DOCK4: variants seen among roughly 807,000 people sequenced by gnomAD.
DOCK4 encodes the protein dedicator of cytokinesis protein 4.
In DOCK4, 97 loss-of-function variants were observed where a neutral mutation model predicts 268.1. That is an observed-to-expected ratio of 0.36 (90% confidence interval 0.31 to 0.43). DOCK4 has a LOEUF of 0.43. Among genes scored for constraint, DOCK4 ranks in the 20% least tolerant of loss-of-function variants. The pLI is 1.00. For missense variants in DOCK4, 2,145 were observed against 2,455.7 expected, an observed-to-expected ratio of 0.87 and a Z score of 2.67; for synonymous variants, 954 against 887.2, an observed-to-expected ratio of 1.08 and a Z score of -1.34.
chr7:111,916,026 G>A (rs1032886403), intron 12 of DOCK4, 122 bp from the exon 13 acceptor site: 26 of 1,003,902 alleles, frequency 2.6e-5, no homozygotes, highest in Non-Finnish European at 3.2e-5. Flanking sequence ...TTAATATTCC[G>A]ACGAAATCGA....
chr7:111,789,785 T>C (rs1461868671), intron 31 of DOCK4, among the ~76,000 whole-genome samples: 1 of 152,178 alleles, frequency 6.6e-6, no homozygotes, highest in Non-Finnish European at 1.5e-5. Context: ...GGTCAAACCC[T>C]GTGGGCACAC....
At chr7:112,136,578 G>A (rs868842992) in intron 1 of DOCK4, among the ~76,000 whole-genome samples, 2 of 152,230 alleles carry the variant, frequency 1.3e-5, no homozygotes, top group Non-Finnish European at 2.9e-5. Context: ...ATACTTAGGC[G>A]GAAGACAAAA....
rs746788301 is a variant in DOCK4 at position 111,811,908 on chromosome 7, C to T, written c.2972G>A (p.Arg991His). The change falls in exon 28 of 53, where the codon CGT becomes CAT. Residue 991 changes from arginine to histidine, a missense_variant. Physicochemically the swap from Arg to His is conservative, Grantham distance 29 (BLOSUM62 0). Transcript: ENST00000428084. Reference protein sequence around the residue: ...TTVLYLSDALRKNFLNENFDY... With the variant: ...TTVLYLSDALHKNFLNENFDY... The stretch of plus-strand genomic sequence containing the variant: ...AAAGTTTTCATTTAAGAAGTTCTTA[C>T]GAAGTGCATCTGAGAGGTATAGAAC... 8 of 1,527,782 alleles carry T rather than the reference C, an allele frequency of 5.2e-6. No individual in the cohort carries two copies. The Admixed American group carries it at 6.0e-5, about 11-fold the overall frequency. The allele number at this position is 1,527,782 out of a possible 1,614,324, so 94.6% of individuals were successfully genotyped here. A position where few individuals can be genotyped will look rare whatever the true frequency, so the allele number is the denominator to read the frequency against.
At chr7:111,760,738 T>TTGTGTG (rs3997406) in intron 39 of DOCK4, among the ~76,000 whole-genome samples, 156 of 136,980 alleles carry the variant, frequency 1.1e-3, no homozygotes, top group African/African-American at 4.1e-3. Flanking sequence ...TGTCTGCTTT[T>TTGTGTG]TGTGTGTGTG....
intron 13 of DOCK4, among the ~76,000 whole-genome samples, chr7:111,911,501 C>A (rs898083409): frequency 2.6e-5 from 4 of 152,112 alleles, no homozygotes; most frequent in African/African-American, 9.7e-5. Context: ...GAAGGAAGTG[C>A]TTTTAAAAAA....
intron 16 of DOCK4, among the ~76,000 whole-genome samples, chr7:111,887,830 G>A (rs1349438005): frequency 6.6e-6 from 1 of 152,030 alleles, no homozygotes; most frequent in Non-Finnish European, 1.5e-5. Flanking sequence ...GATGCAGGAG[G>A]AAGAGAGAGG....
intron 36 of DOCK4, among the ~76,000 whole-genome samples, chr7:111,770,237 A>AG (rs1189534529): frequency 4.0e-5 from 6 of 149,404 alleles, no homozygotes; most frequent in African/African-American, 1.5e-4. Context: ...AAAAAAAAAA[A>AG]AAAGAAAAAG....
chr7:112,106,046 A>G (rs550300010), intron 1 of DOCK4, among the ~76,000 whole-genome samples: 2 of 152,304 alleles, frequency 1.3e-5, no homozygotes, highest in South Asian at 4.1e-4. Flanking sequence ...AACGGACCAC[A>G]ACAGATTCTG....
chr7:112,016,918 T>C (rs1355516484), intron 1 of DOCK4, among the ~76,000 whole-genome samples: 2 of 152,172 alleles, frequency 1.3e-5, no homozygotes, highest in African/African-American at 2.4e-5. Context: ...ATAATTTGTA[T>C]ATGGGTGTTT....
At chr7:111,860,142 A>G (rs1192000694) in intron 23 of DOCK4, among the ~76,000 whole-genome samples, 1 of 152,284 alleles carries the variant, frequency 6.6e-6, no homozygotes, top group East Asian at 1.9e-4. Context: ...TGCATTTCAC[A>G]TCTTCTTTTC....
At chr7:112,156,415 T>C (rs1488807567) in intron 1 of DOCK4, among the ~76,000 whole-genome samples, 1 of 152,220 alleles carries the variant, frequency 6.6e-6, no homozygotes, top group Non-Finnish European at 1.5e-5. Flanking sequence ...TATAATTTGG[T>C]AAAAACTGTA....
intron 1 of DOCK4, among the ~76,000 whole-genome samples, chr7:112,110,304 T>C (rs998947811): frequency 4.6e-5 from 7 of 152,232 alleles, no homozygotes; most frequent in African/African-American, 1.4e-4. Context: ...GAGTATTTCA[T>C]ATGGGTTTGT....
rs1465550070 is a variant in DOCK4, at chr7:112,066,706, TATA to T, written c.38-62578_38-62576del. Among the ~76,000 whole-genome samples, 4 of 58,840 alleles carry T rather than the reference TATA, an allele frequency of 6.8e-5. 1 individual carries two copies. Among genetic ancestry groups the T allele is most frequent in the African/African-American group, 1.2e-4 (2 of 17,334 alleles). 38.6% of individuals were successfully genotyped at this position (58,840 alleles called of 152,430 possible). A position where few individuals can be genotyped will look rare whatever the true frequency, so the allele number is the denominator to read the frequency against. On this transcript the variant is annotated intron_variant, in intron 1 of 52. Transcript: ENST00000428084. ...ATACATATACATATATATATATATA[TATA>T]TATATATATATATATATATATATAT...
Position 111,728,698 on chromosome 7 carries a change from G to A in DOCK4, c.5504C>T (p.Pro1835Leu), listed in dbSNP as rs776053096. 1.9e-6 allele frequency: 3 copies of A among 1,613,068 alleles called. No homozygotes were observed. The highest frequency in any genetic ancestry group is 2.7e-5 in the African/African-American group (2 of 75,046). Residue 1835 changes from proline to leucine, a missense_variant, in exon 53 of 53, where the codon CCC becomes CTC. Coordinates refer to ENST00000428084, the MANE Select transcript of DOCK4 (RefSeq NM_001363540.2). Reference protein sequence around the residue: ...PLKGSVQSFTPSPVEYHSPGL... With the variant: ...PLKGSVQSFTLSPVEYHSPGL... ...TGGCGAGTGGTACTCCACTGGAGAGGGGGTGAAAGACTGCACAGAGCCCTG... is the reference window on the plus strand; with the variant it reads ...TGGCGAGTGGTACTCCACTGGAGAGAGGGTGAAAGACTGCACAGAGCCCTG...
At chr7:112,162,969 G>C (rs376513460) in intron 1 of DOCK4, among the ~76,000 whole-genome samples, 1 of 152,104 alleles carries the variant, frequency 6.6e-6, no homozygotes, top group Non-Finnish European at 1.5e-5. Context: ...TGTATGCAAC[G>C]TAACACTGCC....
chr7:111,819,359 T>G (rs1164748565), intron 27 of DOCK4: 2 of 152,234 alleles, frequency 1.3e-5, no homozygotes, highest in African/African-American at 4.8e-5. Flanking sequence ...TCATCTTCCT[T>G]ATGTTCCTTC....
At chr7:111,976,272 TATATATATATATA>T (rs1798194147) in intron 8 of DOCK4, among the ~76,000 whole-genome samples, 12 of 1,918 alleles carry the variant, frequency 6.3e-3, no homozygotes, top group African/African-American at 9.5e-3. Flanking sequence ...GTGTCTATTA[TATATATATATATA>T]TATATATATA....
At chr7:112,031,991 C>T (rs1055872332) in intron 1 of DOCK4, among the ~76,000 whole-genome samples, 2 of 152,154 alleles carry the variant, frequency 1.3e-5, no homozygotes, top group Admixed American at 6.6e-5. Context: ...TAAGACTGGT[C>T]ATTATCTCCA....
chr7:112,039,236 T>C (rs1804132814), intron 1 of DOCK4, among the ~76,000 whole-genome samples: 1 of 152,162 alleles, frequency 6.6e-6, no homozygotes, highest in African/African-American at 2.4e-5. Context: ...AACTTTTACA[T>C]TATTATTTCA....
Sources: gnomAD v4.1 joint callset for allele counts (sites outside exome capture counted in the v4.1 genomes callset) on GRCh38, gnomAD v4.1.1 for gene constraint, MANE v1.5 for transcripts, NCBI Gene and HGNC (gene_info 2026-07-23, HGNC 2026-07-21) for gene names.